Variants in FAM72A observed in about 807,000 individuals in gnomAD.
FAM72A encodes regulator of UNG2 and MKLN1 interacting yippee protein 1, also known as protein FAM72A.
A neutral mutation model predicts 11.3 loss-of-function variants in FAM72A; 1 was observed. That is an observed-to-expected ratio of 0.09 (90% CI 0.03 to 0.42). The LOEUF is 0.42. FAM72A is among the 10% of genes least tolerant of loss of function. The pLI is 0.98. For synonymous variants in FAM72A, 5 were observed against 46.9 expected, an observed-to-expected ratio of 0.11 and a Z score of 3.65; for missense variants, 15 against 135.5, an observed-to-expected ratio of 0.11 and a Z score of 4.41.
chr1:206,196,137 C>T (rs1218676260), intron 2 of FAM72A, among the ~76,000 whole-genome samples: 27 of 145,250 alleles, frequency 1.9e-4, no homozygotes, highest in African/African-American at 6.9e-4. Context: ...GAGTTTTGCT[C>T]TTGTCACCCA....
chr1:206,196,439 T>G (rs1340674032), intron 2 of FAM72A, among the ~76,000 whole-genome samples: 1 of 67,520 alleles, frequency 1.5e-5, no homozygotes, highest in Non-Finnish European at 2.9e-5. Context: ...GATGCCATAA[T>G]GTTGTGATTT....
chr1:206,198,363 TAAA>T (rs1178799039), intron 2 of FAM72A, among the ~76,000 whole-genome samples: 2 of 141,030 alleles, frequency 1.4e-5, no homozygotes, highest in Admixed American at 7.1e-5. Flanking sequence ...AACTCCGTCT[TAAA>T]AAAAAAAAAA....
intron 2 of FAM72A, among the ~76,000 whole-genome samples, chr1:206,196,735 G>A (rs1459520750): frequency 3.4e-5 from 5 of 145,722 alleles, no homozygotes; most frequent in Non-Finnish European, 7.5e-5. Flanking sequence ...AGTTGCAAAA[G>A]TTTTTACAGT....
upstream of FAM72A, chr1:206,203,721 G>A (rs1299520426): frequency 1.0e-5 from 14 of 1,403,416 alleles, no homozygotes; most frequent in East Asian, 1.3e-4. Flanking sequence ...AACAAACCGG[G>A]GCTGGGGCGG....
intron 3 of FAM72A, among the ~76,000 whole-genome samples, chr1:206,190,936 A>G (rs1664753938): frequency 6.6e-6 from 1 of 151,486 alleles, no homozygotes; most frequent in Non-Finnish European, 1.5e-5. Flanking sequence ...TTAGACACGG[A>G]GAACATGTGT....
At chr1:206,191,612 C>CAAAAAAAAAAAAAAA (rs541222246) in intron 3 of FAM72A, among the ~76,000 whole-genome samples, 1 of 85,454 alleles carries the variant, frequency 1.2e-5, no homozygotes, top group Admixed American at 1.3e-4. Flanking sequence ...AACTCTGTCT[C>CAAAAAAAAAAAAAAA]AAAAAAAAAA....
intron 2 of FAM72A, among the ~76,000 whole-genome samples, chr1:206,196,683 T>G (rs1665074138): frequency 7.6e-6 from 1 of 131,222 alleles, no homozygotes. Context: ...TCAGTGTTTT[T>G]GAAGGAACTC....
intron 3 of FAM72A, among the ~76,000 whole-genome samples, chr1:206,192,163 CTGTTA>C (rs1240927127): frequency 5.2e-5 from 2 of 38,242 alleles, no homozygotes; most frequent in Non-Finnish European, 9.8e-5. Flanking sequence ...TTTGATGTTA[CTGTTA>C]TAATTGTTTC....
intron 2 of FAM72A, among the ~76,000 whole-genome samples, chr1:206,196,188 A>T (rs1665049100): frequency 8.1e-6 from 1 of 123,626 alleles, no homozygotes; most frequent in African/African-American, 3.1e-5. Context: ...GGTTCAAGTG[A>T]TTCTCCTGCC....
chr1:206,204,965 A>C, upstream of FAM72A: 1 of 149,998 alleles, frequency 6.7e-6, no homozygotes, highest in East Asian at 2.0e-4. Flanking sequence ...AAACAAAACA[A>C]CTGGGAGGAG....
intron 3 of FAM72A, among the ~76,000 whole-genome samples, chr1:206,190,460 G>A (rs1328042013): frequency 3.6e-4 from 53 of 148,746 alleles, no homozygotes; most frequent in East Asian, 1.6e-3. Flanking sequence ...CTTGCAATTC[G>A]TGATCTTTTG....
At chr1:206,191,592 A>G (rs1664795239) in intron 3 of FAM72A, among the ~76,000 whole-genome samples, 1 of 148,990 alleles carries the variant, frequency 6.7e-6, no homozygotes, top group African/African-American at 2.5e-5. Flanking sequence ...AGCCTGGGAA[A>G]CAAGAGTGAA....
In FAM72A at chr1:206,187,225, T is replaced by TA. The variant is rs1664574635; in HGVS notation, c.*53dup. On this transcript the variant is annotated 3_prime_UTR_variant, in exon 4 of 4. Transcript: ENST00000367128. Reference sequence around the variant, plus strand: ...ACTAACAATTTTAAAGTTGATCCATTAATATATTTTTAAATAGAAAAAAGT... The same window carrying TA: ...ACTAACAATTTTAAAGTTGATCCATTAAATATATTTTTAAATAGAAAAAAGT... 1 of 1,403,418 alleles carries TA rather than the reference T, an allele frequency of 7.1e-7. No individual in the cohort carries two copies. The highest frequency in any genetic ancestry group is 1.5e-5 in the African/African-American group (1 of 67,074). 86.9% of individuals were successfully genotyped at this position (1,403,418 alleles called of 1,614,324 possible).
chr1:206,199,057 T>G, intron 2 of FAM72A, among the ~76,000 whole-genome samples: 1 of 136,816 alleles, frequency 7.3e-6, no homozygotes, highest in Non-Finnish European at 1.6e-5. Flanking sequence ...ACTCCAGCCT[T>G]GGCAACAAGA....
At chr1:206,203,665 C>T, upstream of FAM72A, 1 of 630,826 alleles carries the variant, frequency 1.6e-6, no homozygotes, top group East Asian at 2.8e-5. Context: ...AGGCTCCTTC[C>T]CTCTTCCTTT....
intron 2 of FAM72A, among the ~76,000 whole-genome samples, chr1:206,198,907 T>TAAAAAA (rs544163968): frequency 5.4e-3 from 340 of 63,050 alleles, no homozygotes; most frequent in African/African-American, 0.02. Flanking sequence ...CTGTCTCTAC[T>TAAAAAA]AAAAAAAAAA....
rs538651146 is a variant in FAM72A at position 206,197,845 on chromosome 1, C to T, written c.230+1962G>A. 3.2e-3 allele frequency among the ~76,000 whole-genome samples: 481 copies of T among 151,448 alleles called. 3 individuals are homozygous for T. The highest frequency in any genetic ancestry group is 0.01 in the Middle Eastern group (3 of 292). ...GAGAGAATCACTTGAACCCAGAAGA[C>T]GGAGGTTGCAGTGAGCCGAGATCAT... is the stretch of plus-strand genomic sequence containing the variant. On this transcript the variant is annotated intron_variant, in intron 2 of 3. Coordinates refer to ENST00000367128, the MANE Select transcript of FAM72A (RefSeq NM_001123168.3).
upstream of FAM72A, chr1:206,204,916 C>T (rs1441185866): frequency 7.1e-6 from 1 of 139,914 alleles, no homozygotes; most frequent in Non-Finnish European, 1.5e-5. Flanking sequence ...TGCCCCCCCC[C>T]CCATCAACAT....
At chr1:206,203,759 G>T (rs556065561), upstream of FAM72A, 72 of 1,473,100 alleles carry the variant, frequency 4.9e-5, no homozygotes, top group Non-Finnish European at 6.1e-5. Context: ...TGCTGCTCGC[G>T]GCATCGCCTT....
Sources: allele counts gnomAD v4.1 joint callset (sites outside exome capture counted in the v4.1 genomes callset), GRCh38; gene constraint gnomAD v4.1.1; transcripts MANE v1.5; gene names NCBI Gene and HGNC (gene_info 2026-07-23, HGNC 2026-07-21).